Variants in XRCC5 observed in about 807,000 individuals in gnomAD.
XRCC5 encodes the protein DNA repair protein Ku80.
Under a neutral mutation model 95.7 loss-of-function variants are expected in XRCC5, and 12 were observed. The ratio of observed to expected loss-of-function variants is 0.13; its 90% CI spans 0.08 to 0.20. XRCC5 has a LOEUF of 0.20. XRCC5 is among the 10% of genes least tolerant of loss of function. XRCC5 has a pLI of 1.00. For missense variants in XRCC5, 595 were observed against 873.9 expected, an observed-to-expected ratio of 0.68 and a Z score of 4.02; for synonymous variants, 281 against 290.3, an observed-to-expected ratio of 0.97 and a Z score of 0.33.
At chr2:216,136,212 C>T (rs375674077) in intron 10 of XRCC5, among the ~76,000 whole-genome samples, 15 of 151,960 alleles carry the variant, frequency 9.9e-5, no homozygotes, top group Admixed American at 2.6e-4. Context: ...CAAAATTAGC[C>T]GGGCGTGGTG....
chr2:216,190,296 A>C lies in XRCC5; in HGVS notation c.1906A>C (p.Ile636Leu). 2 of 1,614,076 alleles carry C rather than the reference A, an allele frequency of 1.2e-6. No individual in the cohort carries two copies. Among genetic ancestry groups the C allele is most frequent in the Non-Finnish European group, 1.7e-6 (2 of 1,179,930 alleles). The change falls in exon 17 of 21, where the codon ATA becomes CTA. Residue 636 changes from isoleucine to leucine, a missense_variant. By Grantham distance (5) the Ile-to-Leu change is conservative. Around this residue, in one of 2 missense-constraint regions of XRCC5, gnomAD observed 309 missense variants for 382.9 expected, o/e 0.81. Coordinates refer to ENST00000392132, the MANE Select transcript of XRCC5 (RefSeq NM_021141.4). The stretch of plus-strand genomic sequence containing the variant: ...TGAAACACCGTATTTTATGAAGAGC[A>C]TAGACTGCATCCGAGCCTTCCGGGA... ...TNETPYFMKSIDCIRAFREEA... is the reference protein window; with the variant it reads ...TNETPYFMKSLDCIRAFREEA...
intron 16 of XRCC5, among the ~76,000 whole-genome samples, chr2:216,164,096 T>C (rs1226317160): frequency 6.6e-6 from 1 of 152,232 alleles, no homozygotes; most frequent in Non-Finnish European, 1.5e-5. Context: ...ATACCTGTTG[T>C]CTGTTCAGCT....
At chr2:216,136,212 C>A (rs375674077) in intron 10 of XRCC5, among the ~76,000 whole-genome samples, 1 of 151,842 alleles carries the variant, frequency 6.6e-6, no homozygotes, top group Non-Finnish European at 1.5e-5. Flanking sequence ...CAAAATTAGC[C>A]GGGCGTGGTG....
rs777078472 is a variant in XRCC5 at position 216,132,372 on chromosome 2, A to T, written c.1098A>T (p.Ala366=). 1 of 1,614,026 alleles carries T rather than the reference A, an allele frequency of 6.2e-7. No homozygotes were observed. The highest frequency in any genetic ancestry group is 8.5e-7 in the Non-Finnish European group (1 of 1,179,898). Reference sequence around the variant, plus strand: ...GAAATCAAGTTCTAAAGGTCTTTGCAGCAAGAGATGATGAGGTGAGTTGGC... The same window carrying T: ...GAAATCAAGTTCTAAAGGTCTTTGCTGCAAGAGATGATGAGGTGAGTTGGC... The part of the protein sequence containing the change: ...FMGNQVLKVF[A]ARDDEAAAVA... The change falls in exon 10 of 21, where the codon GCA becomes GCT. Residue 366 remains alanine, a synonymous_variant. Coordinates refer to ENST00000392132, the MANE Select transcript of XRCC5 (RefSeq NM_021141.4).
At position 216,162,033 on chromosome 2, in the gene XRCC5, G is replaced by T; in HGVS notation, c.1819G>T (p.Ala607Ser). The stretch of plus-strand genomic sequence containing the variant: ...CCGTGTTCTAGTGAAACAGAAGAAG[G>T]CCAGCTTTGAGGAAGGTGAGTGGTT... The part of the protein sequence containing the change: ...NFRVLVKQKK[A>S]SFEEASNQLI... The change falls in exon 16 of 21, where the codon GCC becomes TCC. Residue 607 changes from alanine to serine, a missense_variant. Around this residue, in one of 2 missense-constraint regions of XRCC5, gnomAD observed 309 missense variants for 382.9 expected, o/e 0.81. Transcript: ENST00000392132. The T allele has an allele frequency of 1.2e-6, 2 of 1,614,170 alleles. No homozygotes were observed. Among genetic ancestry groups the T allele is most frequent in the Non-Finnish European group, 1.7e-6 (2 of 1,180,002 alleles).
chr2:216,133,530 T>C (rs565106041), intron 10 of XRCC5, among the ~76,000 whole-genome samples: 1 of 152,350 alleles, frequency 6.6e-6, no homozygotes, highest in African/African-American at 2.4e-5. Flanking sequence ...AACATTCTGA[T>C]CACTTCATGA....
chr2:216,188,828 T>A (rs1421913474), intron 16 of XRCC5, among the ~76,000 whole-genome samples: 1 of 152,262 alleles, frequency 6.6e-6, no homozygotes, highest in African/African-American at 2.4e-5. Context: ...TGTAATTGGA[T>A]ATTAATTCAC....
chr2:216,125,885 G>T, intron 6 of XRCC5, 32 bp from the exon 7 acceptor site: 1 of 1,548,622 alleles, frequency 6.5e-7, no homozygotes, highest in Non-Finnish European at 8.9e-7. Flanking sequence ...TTTAAAAATT[G>T]TTGCTTTCAT....
chr2:216,149,179 G>A (rs16855464), intron 14 of XRCC5, among the ~76,000 whole-genome samples: 1,787 of 151,904 alleles, frequency 0.012, 34 homozygotes, highest in African/African-American at 0.041. Context: ...AGTAATTTCC[G>A]GAAGTCTTCA....
intron 7 of XRCC5, 35 bp from the exon 8 acceptor site, chr2:216,127,500 CT>C (rs1171273870): frequency 6.4e-7 from 1 of 1,561,796 alleles, no homozygotes; most frequent in African/African-American, 1.4e-5. Context: ...GGAATCCTAA[CT>C]TTCCTTGTTT....
intron 16 of XRCC5, among the ~76,000 whole-genome samples, chr2:216,180,999 G>GTTTAGT (rs1689374838): frequency 6.6e-6 from 1 of 151,836 alleles, no homozygotes; most frequent in African/African-American, 2.4e-5. Flanking sequence ...TTTTAGTAGA[G>GTTTAGT]ACGGGGTTTC....
At chr2:216,167,208 T>G (rs1689067724) in intron 16 of XRCC5, among the ~76,000 whole-genome samples, 1 of 152,176 alleles carries the variant, frequency 6.6e-6, no homozygotes, top group South Asian at 2.1e-4. Flanking sequence ...ATCACTTCAT[T>G]TTTTTCCCCT....
intron 19 of XRCC5, among the ~76,000 whole-genome samples, chr2:216,198,933 G>C (rs1426205284): frequency 6.6e-6 from 1 of 151,740 alleles, no homozygotes; most frequent in African/African-American, 2.4e-5. Context: ...AAATGATAAT[G>C]GGGAGAATTG....
At chr2:216,202,814 C>A (rs1559266247) in intron 19 of XRCC5, among the ~76,000 whole-genome samples, 1 of 152,220 alleles carries the variant, frequency 6.6e-6, no homozygotes, top group African/African-American at 2.4e-5. Flanking sequence ...ATGGTGCTGA[C>A]AAAGGCACTG....
At chr2:216,127,751 T>G in intron 8 of XRCC5, 77 bp downstream of exon 8, 1 of 1,422,638 alleles carries the variant, frequency 7.0e-7, no homozygotes. Flanking sequence ...GGGGTTTGTA[T>G]TATTCTTTGT....
intron 7 of XRCC5, among the ~76,000 whole-genome samples, chr2:216,126,396 T>A (rs1172219922): frequency 6.6e-6 from 1 of 152,228 alleles, no homozygotes. Flanking sequence ...AAAGTTAAGT[T>A]CAGTTTTGGA....
chr2:216,199,808 A>AAT (rs1553581435), intron 19 of XRCC5, among the ~76,000 whole-genome samples: 1 of 121,890 alleles, frequency 8.2e-6, no homozygotes, highest in Non-Finnish European at 1.6e-5. Context: ...TGGCATTGGG[A>AAT]TCTTTTTTTT....
At position 216,156,082 on chromosome 2, in the gene XRCC5, C is replaced by T. The variant is rs182502845; in HGVS notation, c.1671-3986C>T. Among the ~76,000 whole-genome samples the T allele has an allele frequency of 2.6e-3, 391 of 152,330 alleles. 3 individuals carry two copies. The highest frequency in any genetic ancestry group is 8.6e-3 in the African/African-American group (359 of 41,574). On this transcript the variant is annotated intron_variant, in intron 14 of 20. Coordinates refer to ENST00000392132, the MANE Select transcript of XRCC5 (RefSeq NM_021141.4). ...ACAAAGTGCTCAGTCAACCTTCTGC[C>T]TTGTGTTGATAACACTAATCTGCCC...
chr2:216,198,821 G>T (rs1156910574), intron 19 of XRCC5, among the ~76,000 whole-genome samples: 1 of 152,140 alleles, frequency 6.6e-6, no homozygotes, highest in Non-Finnish European at 1.5e-5. Flanking sequence ...CCAAAGTGCT[G>T]GGATTGCAGG....
Sources: allele counts gnomAD v4.1 joint callset (sites outside exome capture counted in the v4.1 genomes callset), GRCh38; gene constraint gnomAD v4.1.1; regional missense constraint gnomAD v4.1.1; transcripts MANE v1.5; gene names NCBI Gene and HGNC (gene_info 2026-07-23, HGNC 2026-07-21).